The following ORMDL3 variants were observed in gnomAD, a reference collection of about 807,000 sequenced individuals.
ORMDL3 encodes the protein ORMDL sphingolipid biosynthesis regulator 3.
Under a neutral mutation model 12.6 loss-of-function variants are expected in ORMDL3, and 6 were observed. The observed-to-expected ratio is 0.48, with a 90% CI of 0.26 to 0.94. The LOEUF is 0.94. ORMDL3 is among the 40% of genes least tolerant of loss of function. The pLI, the probability that ORMDL3 is intolerant of heterozygous loss-of-function variation, is 0.14. For synonymous variants in ORMDL3, 99 were observed against 87.2 expected, an observed-to-expected ratio of 1.14 and a Z score of -0.75; for missense variants, 159 against 205.5, an observed-to-expected ratio of 0.77 and a Z score of 1.38.
At chr17:39,923,983 C>G in intron 2 of ORMDL3, 47 bp downstream of exon 2, 1 of 1,532,086 alleles carries the variant, frequency 6.5e-7, no homozygotes, top group Non-Finnish European at 8.8e-7. Context: ...AAGGGCAGCC[C>G]ACAGGGCAGG....
rs1978309738 is a variant in ORMDL3 at position 39,923,114 on chromosome 17, C to T, written c.324G>A (p.Val108=). 3 of 1,614,190 alleles carry T rather than the reference C, an allele frequency of 1.9e-6. No individual in the cohort carries two copies. The highest frequency in any genetic ancestry group is 2.5e-6 in the Non-Finnish European group (3 of 1,180,014). ...SRKFLTITPI[V]LYFLTSFYTK... is the part of the protein sequence containing the mutation. ...CTTCCTGTAGCCCAGGCACTCACAG[C>T]ACGATGGGTGTGATGGTCAAGAACT... Residue 108 remains valine, a splice_region_variant and synonymous_variant, in exon 3 of 4, where the codon GTG becomes GTA. Coordinates refer to ENST00000304046, the MANE Select transcript of ORMDL3 (RefSeq NM_139280.4).
At position 39,924,103 on chromosome 17, in the gene ORMDL3, T is replaced by C; in HGVS notation, c.101A>G (p.His34Arg). ...LSYVLAIGLL[H>R]IVLLSIPFVS... The stretch of plus-strand genomic sequence containing the variant: ...AAACGGGATGCTCAGCAGCACGATG[T>C]GGAGGAGACCGATGGCCAGCACGTA... The change falls in exon 2 of 4, where the codon CAC becomes CGC. Residue 34 changes from histidine to arginine, a missense_variant. His to Arg is a conservative substitution (Grantham distance 29, BLOSUM62 0). Coordinates refer to ENST00000304046, the MANE Select transcript of ORMDL3 (RefSeq NM_139280.4). 6.2e-7 allele frequency: 1 copy of C among 1,614,116 alleles called. No homozygotes were observed. The highest frequency in any genetic ancestry group is 2.2e-5 in the East Asian group (1 of 44,874).
chr17:39,923,386 G>A (rs1978312835), intron 2 of ORMDL3, 123 bp from the exon 3 acceptor site: 8 of 1,144,754 alleles, frequency 7.0e-6, no homozygotes, highest in African/African-American at 1.5e-5. Context: ...TGGGCAGGGG[G>A]ATATGGGCTG....
rs371773587 is a variant in ORMDL3 at position 39,922,541 on chromosome 17, G to T, written c.*9C>A. 3 of 1,613,276 alleles carry T rather than the reference G, an allele frequency of 1.9e-6. No homozygotes were observed. ...CCTGCCACCCTGGGCAGGGGAAGGG[G>T]CTGCACTCTCAGTACTTATTGATTC... On this transcript the variant is annotated 3_prime_UTR_variant, in exon 4 of 4. Transcript: ENST00000304046.
At chr17:39,925,685 T>G (rs1978374161) in intron 1 of ORMDL3, 1 of 152,176 alleles carries the variant, frequency 6.6e-6, no homozygotes. Context: ...GGAGCAAGTT[T>G]CCTCTTCTCA....
intron 1 of ORMDL3, chr17:39,925,126 C>G (rs941986211): frequency 6.6e-6 from 1 of 152,460 alleles, no homozygotes; most frequent in Non-Finnish European, 1.5e-5. Flanking sequence ...GAACCTGTGG[C>G]CTCCCTCCTG....
intron 2 of ORMDL3, 89 bp downstream of exon 2, chr17:39,923,941 C>A (rs1387727567): frequency 4.4e-6 from 6 of 1,357,916 alleles, no homozygotes; most frequent in Non-Finnish European, 5.9e-6. Context: ...GGGCCAGGCC[C>A]GACAGGCTCC....
At position 39,923,209 on chromosome 17, in the gene ORMDL3, G is replaced by A; in HGVS notation, c.229C>T (p.Gln77Ter). ...TGGGTTAGCAGCCTCGCCTTGCCCT[G>A]GTCCGGGGTCTCAAAGGGTGTCCCC... ...VKGTPFETPDQGKARLLTHWE... is the reference protein window; with the variant it reads ...VKGTPFETPD The change falls in exon 3 of 4, where the codon CAG becomes TAG. Residue 77 changes from glutamine to a stop codon, truncating the protein, a stop_gained. Coordinates refer to ENST00000304046, the MANE Select transcript of ORMDL3 (RefSeq NM_139280.4). LOFTEE classifies it high-confidence loss of function. 6.2e-7 allele frequency: 1 copy of A among 1,614,180 alleles called. No individual in the cohort carries two copies. Among genetic ancestry groups the A allele is most frequent in the Non-Finnish European group, 8.5e-7 (1 of 1,180,016 alleles).
In ORMDL3 at chr17:39,922,456, C is replaced by A. The variant is rs756483461; in HGVS notation, c.*94G>T. The A allele has an allele frequency of 3.5e-6, 5 of 1,440,050 alleles. No homozygotes were observed. In the African/African-American group the frequency reaches 5.7e-5, roughly 16 times the overall value. The allele number at this position is 1,440,050 out of a possible 1,614,324, so 89.2% of individuals were successfully genotyped here. Reference sequence around the variant, plus strand: ...GCTCAACCCCCATCTCTGGCAGTGTCCAGAGGCTTCTTCTTTCTGTCTTCA... The same window carrying A: ...GCTCAACCCCCATCTCTGGCAGTGTACAGAGGCTTCTTCTTTCTGTCTTCA... On this transcript the variant is annotated 3_prime_UTR_variant, in exon 4 of 4. Transcript: ENST00000304046.
intron 2 of ORMDL3, 89 bp downstream of exon 2, chr17:39,923,941 C>T (rs1387727567): frequency 1.4e-5 from 19 of 1,357,912 alleles, no homozygotes; most frequent in Non-Finnish European, 1.6e-5. Flanking sequence ...GGGCCAGGCC[C>T]GACAGGCTCC....
intron 3 of ORMDL3, 143 bp downstream of exon 3, chr17:39,922,969 A>G: frequency 8.5e-7 from 1 of 1,174,388 alleles, no homozygotes; most frequent in Non-Finnish European, 1.2e-6. Context: ...GCCTGAGTCC[A>G]GTGTAAGACC....
rs946513348 is a variant in ORMDL3 at position 39,921,225 on chromosome 17, C to A, written c.*1325G>T. On this transcript the variant is annotated 3_prime_UTR_variant, in exon 4 of 4. Transcript: ENST00000304046. ...GTGACCTCTCCCGTTCCCTTGGACC[C>A]CTGGAAGAGGACACAGGGACCCACA... 46 of 152,670 alleles carry A rather than the reference C, an allele frequency of 3.0e-4. No individual in the cohort carries two copies. The highest frequency in any genetic ancestry group is 1.3e-4 in the Non-Finnish European group (9 of 68,052). 9.5% of individuals were successfully genotyped at this position (152,670 alleles called of 1,614,324 possible).
intron 1 of ORMDL3, chr17:39,926,519 T>A (rs958023340): frequency 6.6e-6 from 1 of 152,344 alleles, no homozygotes; most frequent in African/African-American, 2.4e-5. Context: ...TCTACAGGAG[T>A]TGAGCCGAAA....
intron 2 of ORMDL3, 92 bp downstream of exon 2, chr17:39,923,938 G>C: frequency 5.3e-6 from 7 of 1,328,998 alleles, no homozygotes; most frequent in Non-Finnish European, 7.1e-6. Context: ...CCTGGGCCAG[G>C]CCCGACAGGC....
At position 39,924,188 on chromosome 17, in the gene ORMDL3, C is replaced by T. The variant is rs1309902249; in HGVS notation, c.16G>A (p.Ala6Thr). The change falls in exon 2 of 4, where the codon GCG becomes ACG. Residue 6 changes from alanine to threonine, a missense_variant. Ala to Thr is a moderately conservative substitution (Grantham distance 58). Transcript: ENST00000304046. MNVGT[A>T]HSEVNPNTRV... ...GTGTTGGGGTTCACCTCGCTGTGCG[C>T]TGTGCCCACATTCATCCTGCTGCCC... The T allele has an allele frequency of 3.1e-6, 5 of 1,608,932 alleles. No homozygotes were observed. Among genetic ancestry groups the T allele is most frequent in the Non-Finnish European group, 4.2e-6 (5 of 1,177,280 alleles).
At position 39,922,478 on chromosome 17, in the gene ORMDL3, T is replaced by C; in HGVS notation, c.*72A>G. ...TGTCCAGAGGCTTCTTCTTTCTGTC[T>C]TCAGTGTTGCAGCACATGCCTTTTA... is the stretch of plus-strand genomic sequence containing the variant. On this transcript the variant is annotated 3_prime_UTR_variant, in exon 4 of 4. Coordinates refer to ENST00000304046, the MANE Select transcript of ORMDL3 (RefSeq NM_139280.4). The C allele has an allele frequency of 6.6e-7, 1 of 1,515,988 alleles. No individual in the cohort carries two copies. Among genetic ancestry groups the C allele is most frequent in the Non-Finnish European group, 8.9e-7 (1 of 1,124,402 alleles). The allele number at this position is 1,515,988 out of a possible 1,614,324, so 93.9% of individuals were successfully genotyped here.
chr17:39,927,489 G>A lies in ORMDL3; in HGVS notation c.-28C>T, dbSNP rs1177489783. ...TTGGTTCCTTCCGGGCTCACCGTGT[G>A]GGGCCGAAGATCAACGGCCCGGGAA... On this transcript the variant is annotated 5_prime_UTR_variant, in exon 1 of 4. Transcript: ENST00000304046. 2.0e-6 allele frequency: 2 copies of A among 985,226 alleles called. No homozygotes were observed. Among genetic ancestry groups the A allele is most frequent in the Admixed American group, 1.2e-4 (2 of 16,258 alleles). 61.0% of individuals were successfully genotyped at this position (985,226 alleles called of 1,614,324 possible).
intron 1 of ORMDL3, 105 bp downstream of exon 1, chr17:39,927,379 C>T (rs996649180): frequency 1.2e-6 from 1 of 847,388 alleles, no homozygotes; most frequent in African/African-American, 1.8e-5. Context: ...ACCCCCCACT[C>T]CCTCTGCCCC....
chr17:39,927,510 G>A lies in ORMDL3; in HGVS notation c.-49C>T, dbSNP rs1978500443. On this transcript the variant is annotated 5_prime_UTR_variant, in exon 1 of 4. Coordinates refer to ENST00000304046, the MANE Select transcript of ORMDL3 (RefSeq NM_139280.4). Reference sequence around the variant, plus strand: ...GTGTGGGGCCGAAGATCAACGGCCCGGGAACGGTTCCCGGGAGCGGGGGCC... The same window carrying A: ...GTGTGGGGCCGAAGATCAACGGCCCAGGAACGGTTCCCGGGAGCGGGGGCC... The A allele has an allele frequency of 5.1e-6, 5 of 985,372 alleles. No homozygotes were observed. Among genetic ancestry groups the A allele is most frequent in the African/African-American group, 3.5e-5 (2 of 57,328 alleles). 61.0% of individuals were successfully genotyped at this position (985,372 alleles called of 1,614,324 possible).
Sources: allele counts gnomAD v4.1 joint callset, GRCh38; gene constraint gnomAD v4.1.1; transcripts MANE v1.5; gene names NCBI Gene and HGNC (gene_info 2026-07-23, HGNC 2026-07-21).